Variants in NELL1 observed in about 807,000 individuals in gnomAD.
The protein encoded by NELL1 is protein kinase C-binding protein NELL1.
In NELL1, 76 loss-of-function variants were observed where a neutral mutation model predicts 107.4. The observed-to-expected ratio is 0.71, with a 90% CI of 0.59 to 0.86. NELL1 has a LOEUF of 0.86. Among genes scored for constraint, NELL1 ranks in the 40% least tolerant of loss-of-function variants. NELL1 has a pLI of 0.00. For synonymous variants in NELL1, 353 were observed against 341.2 expected (o/e 1.03, Z -0.38); for missense variants, 1,024 against 1,005.5 (o/e 1.02, Z -0.25).
Position 21,534,381 on chromosome 11 carries a change from T to A in NELL1, c.1653T>A (p.Asp551Glu). ...FTGSHCEKDI[D>E]ECSEGIIECH... is the part of the protein sequence containing the mutation. ...TGTTTTTCTCTGAGGCAGATATTGA[T>A]GAATGTTCAGAGGGAATCATTGAGT... The change falls in exon 16 of 20, where the codon GAT (aspartate) becomes GAA (glutamate). Residue 551 changes from aspartate (D) to glutamate (E), a missense_variant. Transcript: ENST00000357134. 2 of 1,613,814 alleles carry A rather than the reference T, an allele frequency of 1.2e-6. No homozygotes were observed. Among genetic ancestry groups the A allele is most frequent in the Non-Finnish European group, 1.7e-6 (2 of 1,179,782 alleles).
chr11:21,082,624 G>A (rs1476587330), intron 12 of NELL1, among the ~76,000 whole-genome samples: 2 of 152,138 alleles, frequency 1.3e-5, no homozygotes, highest in Non-Finnish European at 2.9e-5. Context: ...GCCAGATCTT[G>A]CTCTAGCATT....
chr11:21,028,683 A>G (rs1226419718), intron 12 of NELL1, among the ~76,000 whole-genome samples: 1 of 151,544 alleles, frequency 6.6e-6, no homozygotes, highest in Admixed American at 6.6e-5. Context: ...TCTTTGATTT[A>G]TATTTGTCTA....
chr11:20,675,880 T>C (rs1030165613), intron 1 of NELL1, among the ~76,000 whole-genome samples: 1 of 152,016 alleles, frequency 6.6e-6, no homozygotes, highest in African/African-American at 2.4e-5. Flanking sequence ...CCTAATTAAC[T>C]GGGACCATAG....
rs1329959900 is a variant in NELL1, at chr11:20,928,444, T to C, written c.962T>C (p.Val321Ala). ...PLNCSPDSLP[V>A]HIAGQCCKVC... ...AATTGCTCCCCAGACTCCCTCCCAGTGCACATTGCTGGCCAGTGCTGTAAG... is the reference window on the plus strand; with the variant it reads ...AATTGCTCCCCAGACTCCCTCCCAGCGCACATTGCTGGCCAGTGCTGTAAG... Residue 321 changes from valine (V) to alanine (A), a missense_variant, in exon 9 of 20, where the codon GTG (valine) becomes GCG (alanine). Transcript: ENST00000357134. The C allele has an allele frequency of 2.5e-6, 4 of 1,614,032 alleles. No individual in the cohort carries two copies. Among genetic ancestry groups the C allele is most frequent in the Non-Finnish European group, 3.4e-6 (4 of 1,179,954 alleles).
intron 2 of NELL1, among the ~76,000 whole-genome samples, chr11:20,709,026 A>G (rs552922934): frequency 3.3e-5 from 5 of 152,160 alleles, no homozygotes; most frequent in African/African-American, 1.2e-4. Context: ...GCTGCTGCTG[A>G]TCTGATAGGT....
intron 14 of NELL1, among the ~76,000 whole-genome samples, chr11:21,282,794 T>C (rs1333604258): frequency 6.6e-6 from 1 of 151,932 alleles, no homozygotes; most frequent in African/African-American, 2.4e-5. Context: ...AAGAAATGAA[T>C]AGACAAAGAA....
intron 14 of NELL1, among the ~76,000 whole-genome samples, chr11:21,297,505 G>T (rs572176273): frequency 1.6e-4 from 25 of 152,136 alleles, no homozygotes; most frequent in African/African-American, 5.8e-4. Context: ...CAGTGTGCAG[G>T]TTGTGATAGA....
intron 12 of NELL1, among the ~76,000 whole-genome samples, chr11:21,038,193 G>A (rs531559485): frequency 3.9e-5 from 6 of 152,088 alleles, no homozygotes; most frequent in African/African-American, 9.7e-5. Flanking sequence ...TATGAGCCAC[G>A]AGTCCATGTT....
At chr11:21,199,948 C>T (rs1857231300) in intron 13 of NELL1, among the ~76,000 whole-genome samples, 1 of 152,144 alleles carries the variant, frequency 6.6e-6, no homozygotes, top group South Asian at 2.1e-4. Context: ...TTTACAGCTT[C>T]ATCCATGTCC....
chr11:20,794,737 G>C (rs1320481397), intron 3 of NELL1, among the ~76,000 whole-genome samples: 3 of 152,164 alleles, frequency 2.0e-5, no homozygotes, highest in Non-Finnish European at 2.9e-5. Flanking sequence ...GCTGAGGGGA[G>C]ACAGGGTGCT....
At chr11:21,073,954 A>G (rs1854075823) in intron 12 of NELL1, among the ~76,000 whole-genome samples, 1 of 152,160 alleles carries the variant, frequency 6.6e-6, no homozygotes, top group South Asian at 2.1e-4. Flanking sequence ...TAAGCTAAAG[A>G]ATATAGGAAA....
At chr11:20,987,891 C>T (rs747847000) in intron 12 of NELL1, among the ~76,000 whole-genome samples, 1 of 152,160 alleles carries the variant, frequency 6.6e-6, no homozygotes, top group Non-Finnish European at 1.5e-5. Flanking sequence ...TTACCTTCTT[C>T]AGCTCGCAGA....
intron 15 of NELL1, among the ~76,000 whole-genome samples, chr11:21,455,043 C>T (rs926395005): frequency 6.6e-6 from 1 of 152,188 alleles, no homozygotes; most frequent in Non-Finnish European, 1.5e-5. Context: ...GTGTGAAGAA[C>T]TTCCATAAAC....
At chr11:21,027,860 A>G (rs984017870) in intron 12 of NELL1, among the ~76,000 whole-genome samples, 1 of 152,148 alleles carries the variant, frequency 6.6e-6, no homozygotes, top group Non-Finnish European at 1.5e-5. Context: ...CACTACAAGG[A>G]GTTGTATTGC....
chr11:20,993,399 G>A (rs1419400064), intron 12 of NELL1, among the ~76,000 whole-genome samples: 1 of 152,158 alleles, frequency 6.6e-6, no homozygotes. Context: ...TGGTAAATTT[G>A]ATGGTAAGGC....
chr11:21,393,640 T>C (rs1564873173), intron 15 of NELL1, among the ~76,000 whole-genome samples: 1 of 151,712 alleles, frequency 6.6e-6, no homozygotes, highest in Non-Finnish European at 1.5e-5. Context: ...CAGGAAAGCA[T>C]TGCTCTAACT....
intron 15 of NELL1, among the ~76,000 whole-genome samples, chr11:21,451,115 A>C (rs1461155182): frequency 8.3e-5 from 12 of 145,368 alleles, no homozygotes. Flanking sequence ...TGAACCCGGC[A>C]GGCTGAGCTT....
intron 15 of NELL1, among the ~76,000 whole-genome samples, chr11:21,375,039 C>G (rs1232931810): frequency 6.6e-6 from 1 of 151,838 alleles, no homozygotes; most frequent in African/African-American, 2.4e-5. Flanking sequence ...AATGTGTGTT[C>G]TTAATCCTTT....
At chr11:21,541,805 T>C (rs992877011) in intron 16 of NELL1, among the ~76,000 whole-genome samples, 27 of 152,114 alleles carry the variant, frequency 1.8e-4, no homozygotes, top group Non-Finnish European at 3.8e-4. Flanking sequence ...TGTGTTTTTA[T>C]ATGCAAATTT....
Sources: gnomAD v4.1 joint callset for allele counts (sites outside exome capture counted in the v4.1 genomes callset) on GRCh38, gnomAD v4.1.1 for gene constraint, MANE v1.5 for transcripts, NCBI Gene and HGNC (gene_info 2026-07-23, HGNC 2026-07-21) for gene names.